Variants in GULP1 observed in about 807,000 individuals in gnomAD.
GULP1 encodes PTB domain-containing engulfment adapter protein 1.
A neutral mutation model predicts 40.9 loss-of-function variants in GULP1; 19 were observed. That is an observed-to-expected ratio of 0.46 (90% confidence interval 0.32 to 0.68). The LOEUF (loss-of-function observed/expected upper bound fraction) is 0.68, where lower values mean the gene tolerates loss of function less well. Among genes scored for constraint, GULP1 ranks in the 30% least tolerant of loss-of-function variants. The pLI is 0.03. For synonymous variants in GULP1, 119 were observed against 117.6 expected, an observed-to-expected ratio of 1.01 and a Z score of -0.08; for missense variants, 312 against 362.2, an observed-to-expected ratio of 0.86 and a Z score of 1.12.
At chr2:188,461,682 A>G (rs768009505) in intron 2 of GULP1, among the ~76,000 whole-genome samples, 1 of 151,758 alleles carries the variant, frequency 6.6e-6, no homozygotes, top group Admixed American at 6.6e-5. Flanking sequence ...TCCTGGTTCA[A>G]TCTTGGTAGG....
intron 9 of GULP1, among the ~76,000 whole-genome samples, chr2:188,583,162 G>A (rs904101109): frequency 6.6e-6 from 1 of 151,868 alleles, no homozygotes; most frequent in Admixed American, 6.6e-5. Context: ...AAGGGGTGAG[G>A]GGATACAATA....
chr2:188,358,565 C>T (rs980606669), intron 1 of GULP1, among the ~76,000 whole-genome samples: 34 of 152,196 alleles, frequency 2.2e-4, no homozygotes, highest in African/African-American at 7.9e-4. Context: ...TTGATCATTA[C>T]ACATAGTATA....
chr2:188,373,062 A>G (rs1237930845), intron 1 of GULP1, among the ~76,000 whole-genome samples: 4 of 141,556 alleles, frequency 2.8e-5, no homozygotes, highest in Non-Finnish European at 4.5e-5. Flanking sequence ...AGTGTGTTTT[A>G]TGGAGCTGGG....
intron 1 of GULP1, among the ~76,000 whole-genome samples, chr2:188,310,547 T>C (rs2037912744): frequency 6.6e-6 from 1 of 152,190 alleles, no homozygotes; most frequent in African/African-American, 2.4e-5. Flanking sequence ...AGAATGTGAT[T>C]GGAAGAAAAA....
intron 2 of GULP1, among the ~76,000 whole-genome samples, chr2:188,456,747 A>G (rs572814282): frequency 6.6e-6 from 1 of 152,216 alleles, no homozygotes; most frequent in Non-Finnish European, 1.5e-5. Flanking sequence ...CCAGAATGAT[A>G]TATCTGCTGA....
At chr2:188,433,280 A>T (rs909219676) in intron 2 of GULP1, among the ~76,000 whole-genome samples, 1 of 152,032 alleles carries the variant, frequency 6.6e-6, no homozygotes, top group African/African-American at 2.4e-5. Flanking sequence ...TGATTTGTTT[A>T]TATATATATT....
intron 2 of GULP1, among the ~76,000 whole-genome samples, chr2:188,442,427 G>T (rs772573033): frequency 1.1e-4 from 17 of 152,082 alleles, no homozygotes; most frequent in Non-Finnish European, 1.8e-4. Context: ...CATTATAATG[G>T]ATAACCAATT....
intron 4 of GULP1, among the ~76,000 whole-genome samples, chr2:188,512,513 G>A (rs1380783436): frequency 6.6e-6 from 1 of 151,956 alleles, no homozygotes; most frequent in Non-Finnish European, 1.5e-5. Flanking sequence ...TTTCATAGCA[G>A]TTAGACTTCG....
intron 1 of GULP1, among the ~76,000 whole-genome samples, chr2:188,341,756 A>G (rs934323759): frequency 3.3e-5 from 5 of 152,234 alleles, no homozygotes; most frequent in African/African-American, 1.2e-4. Context: ...AAAGTACATA[A>G]TTAAAGATTG....
chr2:188,530,628 C>T (rs1192105961), intron 6 of GULP1, among the ~76,000 whole-genome samples: 2 of 152,150 alleles, frequency 1.3e-5, no homozygotes, highest in East Asian at 1.9e-4. Context: ...CACGTGAAGG[C>T]AGCAATCTGC....
chr2:188,560,019 G>A (rs560954079), intron 7 of GULP1, among the ~76,000 whole-genome samples: 30 of 152,210 alleles, frequency 2.0e-4, no homozygotes, highest in South Asian at 6.2e-4. Flanking sequence ...ACTGTAAGTC[G>A]TATTAAACCT....
At chr2:188,453,056 G>T (rs2058963398) in intron 2 of GULP1, among the ~76,000 whole-genome samples, 1 of 151,810 alleles carries the variant, frequency 6.6e-6, no homozygotes, top group Admixed American at 6.6e-5. Flanking sequence ...GGGCTCAAGT[G>T]ATCCTTGCAT....
At chr2:188,398,074 G>A (rs919278586) in intron 2 of GULP1, among the ~76,000 whole-genome samples, 1 of 151,636 alleles carries the variant, frequency 6.6e-6, no homozygotes, top group Non-Finnish European at 1.5e-5. Context: ...TAAGTCCAAA[G>A]ACATGTGTAT....
chr2:188,590,138 A>G (rs1703231063), intron 11 of GULP1: 1 of 153,304 alleles, frequency 6.5e-6, no homozygotes, highest in Non-Finnish European at 1.4e-5. Flanking sequence ...ACGCGTGGCT[A>G]ATTTTTGTAT....
chr2:188,548,420 A>T (rs1398409559), intron 7 of GULP1, among the ~76,000 whole-genome samples: 3 of 152,120 alleles, frequency 2.0e-5, no homozygotes, highest in Non-Finnish European at 4.4e-5. Flanking sequence ...GTATGCTGAA[A>T]ATTCATGTGC....
intron 2 of GULP1, among the ~76,000 whole-genome samples, chr2:188,469,110 C>T (rs187229430): frequency 2.0e-5 from 3 of 152,168 alleles, no homozygotes; most frequent in East Asian, 1.9e-4. Context: ...TAGGGGCCTA[C>T]GGGAAGGCGT....
chr2:188,293,801 T>A (rs1467497679), intron 1 of GULP1: 1 of 152,310 alleles, frequency 6.6e-6, no homozygotes, highest in African/African-American at 2.4e-5. Flanking sequence ...GAGAGGAACC[T>A]GGCCGGCAGC....
intron 1 of GULP1, among the ~76,000 whole-genome samples, chr2:188,325,209 A>G (rs551875596): frequency 6.6e-6 from 1 of 152,232 alleles, no homozygotes; most frequent in East Asian, 1.9e-4. Flanking sequence ...TCATGTTGAT[A>G]GTCTAATTTG....
At chr2:188,569,461 C>G in intron 8 of GULP1, 106 bp downstream of exon 8, 1 of 756,918 alleles carries the variant, frequency 1.3e-6, no homozygotes, top group Non-Finnish European at 2.4e-6. Flanking sequence ...TTCACCCACA[C>G]TGACTGATTG....
Sources: allele counts gnomAD v4.1 joint callset (sites outside exome capture counted in the v4.1 genomes callset), GRCh38; gene constraint gnomAD v4.1.1; transcripts MANE v1.5; gene names NCBI Gene and HGNC (gene_info 2026-07-23, HGNC 2026-07-21).